ZSCAN12: variants seen among roughly 807,000 people sequenced by gnomAD.
ZSCAN12 encodes the protein zinc finger and SCAN domain-containing protein 12.
A neutral mutation model predicts 23.4 loss-of-function variants in ZSCAN12; 18 were observed. The ratio of observed to expected loss-of-function variants is 0.77; its 90% CI spans 0.53 to 1.14. ZSCAN12 has a LOEUF of 1.14. ZSCAN12 is among the 50% of genes most tolerant of loss of function. The pLI is 0.00. For missense variants in ZSCAN12, 650 were observed against 735.0 expected, an observed-to-expected ratio of 0.88 and a Z score of 1.34; for synonymous variants, 186 against 253.4, an observed-to-expected ratio of 0.73 and a Z score of 2.53.
downstream of ZSCAN12, among the ~76,000 whole-genome samples, chr6:28,383,680 A>G (rs573035888): frequency 6.6e-6 from 1 of 152,298 alleles, no homozygotes; most frequent in Admixed American, 6.5e-5. Context: ...TACCTCTGAT[A>G]ACTAACAGGG....
intron 2 of ZSCAN12, among the ~76,000 whole-genome samples, chr6:28,395,458 C>G (rs1205678474): frequency 6.6e-6 from 1 of 152,192 alleles, no homozygotes; most frequent in Non-Finnish European, 1.5e-5. Context: ...TTTACCACTC[C>G]CACTGCTACT....
downstream of ZSCAN12, chr6:28,382,703 C>G: frequency 6.9e-7 from 1 of 1,449,252 alleles, no homozygotes; most frequent in Non-Finnish European, 9.1e-7. Context: ...TGAAAGAAAA[C>G]GGAACTCTGT....
intron 2 of ZSCAN12, among the ~76,000 whole-genome samples, chr6:28,396,102 C>G (rs140066772): frequency 1.2e-3 from 187 of 151,240 alleles, no homozygotes; most frequent in African/African-American, 4.3e-3. Context: ...TCACTGCAGC[C>G]TCGATCTCCT....
At chr6:28,394,800 G>A (rs1263652008) in intron 2 of ZSCAN12, among the ~76,000 whole-genome samples, 1 of 151,812 alleles carries the variant, frequency 6.6e-6, no homozygotes, top group African/African-American at 2.4e-5. Flanking sequence ...AATACTATGC[G>A]TATTCTGAAA....
At chr6:28,396,124 A>G (rs1355898808) in intron 2 of ZSCAN12, among the ~76,000 whole-genome samples, 3 of 151,568 alleles carry the variant, frequency 2.0e-5, no homozygotes, top group Admixed American at 6.6e-5. Flanking sequence ...GGCTCAAGCA[A>G]TCCTCCCACT....
chr6:28,398,359 G>C lies in ZSCAN12; in HGVS notation c.47C>G (p.Pro16Arg), dbSNP rs1761232838. ...CTCTTCCTCTATCTTTACTTCCAAA[G>C]GTTCATCCTGGTCCATGTGGGCCTG... ...AIQAHMDQDE[P>R]LEVKIEEEKY... Residue 16 changes from proline (P) to arginine (R), a missense_variant, in exon 2 of 4, where the codon CCT becomes CGT. Coordinates refer to ENST00000684592, the MANE Select transcript of ZSCAN12 (RefSeq NM_001163391.2). The C allele has an allele frequency of 6.4e-7, 1 of 1,551,864 alleles. No individual in the cohort carries two copies. Among genetic ancestry groups the C allele is most frequent in the Non-Finnish European group, 8.7e-7 (1 of 1,147,078 alleles).
chr6:28,382,750 G>A (rs1223594774), downstream of ZSCAN12: 3 of 1,351,422 alleles, frequency 2.2e-6, no homozygotes, highest in Non-Finnish European at 1.9e-6. Context: ...AAAAGTGACT[G>A]CAAATTATTA....
Position 28,389,484 on chromosome 6 carries a change from G to A in ZSCAN12, c.*970C>T, listed in dbSNP as rs542966190. Among the ~76,000 whole-genome samples the A allele has an allele frequency of 6.6e-6, 1 of 152,332 alleles. No individual in the cohort carries two copies. The highest frequency in any genetic ancestry group is 2.4e-5 in the African/African-American group (1 of 41,576). ...TTCGCAGACAGCCATGAAGTCAGCT[G>A]TCATTCAACTCAACGCTTCTCAAAT... is the stretch of plus-strand genomic sequence containing the variant. On this transcript the variant is annotated 3_prime_UTR_variant, in exon 4 of 4. Coordinates refer to ENST00000684592, the MANE Select transcript of ZSCAN12 (RefSeq NM_001163391.2).
Position 28,384,969 on chromosome 6 carries a change from C to T in ZSCAN12, c.*5485G>A, listed in dbSNP as rs73742557. On this transcript the variant is annotated 3_prime_UTR_variant, in exon 4 of 4. Coordinates refer to ENST00000684592, the MANE Select transcript of ZSCAN12 (RefSeq NM_001163391.2). Reference sequence around the variant, plus strand: ...GAATGATTATGTCTAGGTTGAACAACAAGCATTTGCTCAAATTCTGGCCTT... The same window carrying T: ...GAATGATTATGTCTAGGTTGAACAATAAGCATTTGCTCAAATTCTGGCCTT... Among the ~76,000 whole-genome samples the T allele has an allele frequency of 6.6e-6, 1 of 152,148 alleles. No homozygotes were observed. The highest frequency in any genetic ancestry group is 6.5e-5 in the Admixed American group (1 of 15,274).
At position 28,390,916 on chromosome 6, in the gene ZSCAN12, C is replaced by CTTCA. The variant is rs1288365455; in HGVS notation, c.1373_1374insTGAA (p.Gln458HisfsTer16). The CTTCA allele has an allele frequency of 1.3e-5, 21 of 1,566,166 alleles. No homozygotes were observed. The highest frequency in any genetic ancestry group is 1.6e-5 in the Non-Finnish European group (18 of 1,155,032). On this transcript the variant is annotated frameshift_variant, in exon 4 of 4. Transcript: ENST00000684592. LOFTEE classifies it low-confidence loss of function (END_TRUNC). The stretch of plus-strand genomic sequence containing the variant: ...TTTCCCCAGTGTGAATTCTCTGATG[C>CTTCA]TGAATAAGGCCACTCTGACTGAAGG...
rs1000158810 is a variant in ZSCAN12, at chr6:28,390,933, G to C, written c.1357C>G (p.Gln453Glu). 1.9e-6 allele frequency: 3 copies of C among 1,562,732 alleles called. No individual in the cohort carries two copies. The African/African-American group carries it at 4.1e-5, about 21-fold the overall frequency. Residue 453 changes from glutamine (Q) to glutamate (E), a missense_variant, in exon 4 of 4, where the codon CAG (glutamine) becomes GAG (glutamate). Gln to Glu is a conservative substitution (Grantham distance 29). Transcript: ENST00000684592. ...CTCTGATGCTGAATAAGGCCACTCTGACTGAAGGATTTCCCACATTCCTTA... is the reference window on the plus strand; with the variant it reads ...CTCTGATGCTGAATAAGGCCACTCTCACTGAAGGATTTCCCACATTCCTTA... ...QCKECGKSFS[Q>E]SGLIQHQRIH...
In ZSCAN12 at chr6:28,390,506, G is replaced by C; in HGVS notation, c.1784C>G (p.Ala595Gly). 6.4e-7 allele frequency: 1 copy of C among 1,551,688 alleles called. No individual in the cohort carries two copies. The highest frequency in any genetic ancestry group is 1.2e-5 in the South Asian group (1 of 83,338). The change falls in exon 4 of 4, where the codon GCT becomes GGT. Residue 595 changes from alanine (A) to glycine (G), a missense_variant. Transcript: ENST00000684592. ...ECGKSFRQNS[A>G]LTQHQTIHKG... is the part of the protein sequence containing the mutation. Reference sequence around the variant, plus strand: ...GTGGATAGTCTGATGTTGAGTAAGAGCTGAGTTCTGCCTGAATGATTTCCC... The same window carrying C: ...GTGGATAGTCTGATGTTGAGTAAGACCTGAGTTCTGCCTGAATGATTTCCC...
At position 28,385,556 on chromosome 6, in the gene ZSCAN12, G is replaced by C. The variant is rs139030194; in HGVS notation, c.*4898C>G. ...TGTTCAACTGAAATAAAGAGAGGAAGTGTATCACAGAGGTTAAAAGTGTGA... is the reference window on the plus strand; with the variant it reads ...TGTTCAACTGAAATAAAGAGAGGAACTGTATCACAGAGGTTAAAAGTGTGA... On this transcript the variant is annotated 3_prime_UTR_variant, in exon 4 of 4. Transcript: ENST00000684592. 7.4e-4 allele frequency among the ~76,000 whole-genome samples: 112 copies of C among 152,370 alleles called. 1 individual carries two copies. The South Asian group carries it at 0.011, about 14-fold the overall frequency.
chr6:28,392,929 G>A lies in ZSCAN12; in HGVS notation c.520C>T (p.Pro174Ser), dbSNP rs1344562521. The change falls in exon 3 of 4, where the codon CCA (proline) becomes TCA (serine). Residue 174 changes from proline to serine, a missense_variant. Physicochemically the swap from Pro to Ser is moderately conservative, Grantham distance 74. Transcript: ENST00000684592. ...SMKAQPKYES[P>S]ELESQQEQVL... ...TGCTCCTGTTGGGATTCAAGTTCTG[G>A]AGATTCATACTTTGGCTGGGCTTTC... The A allele has an allele frequency of 6.4e-7, 1 of 1,552,168 alleles. No homozygotes were observed. Among genetic ancestry groups the A allele is most frequent in the Non-Finnish European group, 8.7e-7 (1 of 1,147,082 alleles).
rs140627633 is a variant in ZSCAN12 at position 28,387,798 on chromosome 6, C to T, written c.*2656G>A. Among the ~76,000 whole-genome samples the T allele has an allele frequency of 6.6e-5, 10 of 152,288 alleles. No individual in the cohort carries two copies. Among genetic ancestry groups the T allele is most frequent in the South Asian group, 2.1e-4 (1 of 4,828 alleles). On this transcript the variant is annotated 3_prime_UTR_variant, in exon 4 of 4. Coordinates refer to ENST00000684592, the MANE Select transcript of ZSCAN12 (RefSeq NM_001163391.2). ...CCCAACCTCCTTGGACTCTTGCTGG[C>T]GCCCAGATGTCTGTGGTCATAGGTC...
chr6:28,386,711 G>C lies in ZSCAN12; in HGVS notation c.*3743C>G, dbSNP rs867742171. On this transcript the variant is annotated 3_prime_UTR_variant, in exon 4 of 4. Coordinates refer to ENST00000684592, the MANE Select transcript of ZSCAN12 (RefSeq NM_001163391.2). ...ATTTCCTCTTTATCCTGGAAAGCTA[G>C]TTTAATCCTCTTTGATGCCTACCTG... 6.6e-6 allele frequency among the ~76,000 whole-genome samples: 1 copy of C among 152,182 alleles called. No individual in the cohort carries two copies. Among genetic ancestry groups the C allele is most frequent in the Non-Finnish European group, 1.5e-5 (1 of 68,034 alleles).
In ZSCAN12 at chr6:28,391,406, ATCC is replaced by A. The variant is rs1276587826; in HGVS notation, c.881_883del (p.Arg294del). ...TTTGTAGGGTCTATCTCCAGTATGG[ATCC>A]TCTGATGTTCTATGAGGTGTGAGTG... On this transcript the variant is annotated inframe_deletion, in exon 4 of 4. Transcript: ENST00000684592. The surrounding 1 kb of genome is among the most constrained non-coding windows in gnomAD (Gnocchi z 4.1). 2 of 1,551,484 alleles carry A rather than the reference ATCC, an allele frequency of 1.3e-6. No homozygotes were observed. The highest frequency in any genetic ancestry group is 1.7e-6 in the Non-Finnish European group (2 of 1,146,788).
At position 28,387,710 on chromosome 6, in the gene ZSCAN12, T is replaced by C. The variant is rs1181427653; in HGVS notation, c.*2744A>G. 6.6e-6 allele frequency among the ~76,000 whole-genome samples: 1 copy of C among 152,236 alleles called. No individual in the cohort carries two copies. Among genetic ancestry groups the C allele is most frequent in the Non-Finnish European group, 1.5e-5 (1 of 68,052 alleles). Reference sequence around the variant, plus strand: ...AACTCTGGGATTAAAGAAGTATGTATAACAATTATGTTTTGTTGAAGATTT... The same window carrying C: ...AACTCTGGGATTAAAGAAGTATGTACAACAATTATGTTTTGTTGAAGATTT... On this transcript the variant is annotated 3_prime_UTR_variant, in exon 4 of 4. Transcript: ENST00000684592.
In ZSCAN12 at chr6:28,386,967, A is replaced by G. The variant is rs1205288582; in HGVS notation, c.*3487T>C. Among the ~76,000 whole-genome samples, 1 of 152,106 alleles carries G rather than the reference A, an allele frequency of 6.6e-6. No homozygotes were observed. Among genetic ancestry groups the G allele is most frequent in the Non-Finnish European group, 1.5e-5 (1 of 68,030 alleles). On this transcript the variant is annotated 3_prime_UTR_variant, in exon 4 of 4. Transcript: ENST00000684592. ...CTCAGCCTCTCGAGTAGCTGGGATTACAGGCATGTGCCACCACGCCTGGTT... is the reference window on the plus strand; with the variant it reads ...CTCAGCCTCTCGAGTAGCTGGGATTGCAGGCATGTGCCACCACGCCTGGTT...
Sources: allele counts gnomAD v4.1 joint callset (sites outside exome capture counted in the v4.1 genomes callset), GRCh38; gene constraint gnomAD v4.1.1; non-coding constraint Gnocchi (gnomAD v3.1); transcripts MANE v1.5; gene names NCBI Gene and HGNC (gene_info 2026-07-23, HGNC 2026-07-21).